RXRA: variants seen among roughly 807,000 people sequenced by gnomAD.
RXRA encodes the protein retinoid X receptor alpha.
RXRA carries 5 observed loss-of-function variants against 44.5 expected under a neutral mutation model. That is an observed-to-expected ratio of 0.11 (90% CI 0.06 to 0.24). The LOEUF (loss-of-function observed/expected upper bound fraction) is 0.24, where lower values mean the gene tolerates loss of function less well. RXRA is among the 10% of genes least tolerant of loss of function. The probability of loss-of-function intolerance (pLI) is 1.00; values close to 1 mark genes in which losing one functional copy is unlikely to be tolerated. For synonymous variants in RXRA, 291 were observed against 271.4 expected, an observed-to-expected ratio of 1.07 and a Z score of -0.71; for missense variants, 412 against 646.5, an observed-to-expected ratio of 0.64 and a Z score of 3.93.
rs551759697 is a variant in RXRA, at chr9:134,353,570, C to T, written c.28+26911C>T. On this transcript the variant is annotated intron_variant, in intron 1 of 9. Coordinates refer to ENST00000481739, the MANE Select transcript of RXRA (RefSeq NM_002957.6). ...TGCCCCAGCAGCTTCCACGGCCCCA[C>T]GAGTCCACGAGCCCCTGTACCTCCA... Among the ~76,000 whole-genome samples the T allele has an allele frequency of 3.8e-4, 58 of 152,358 alleles. 1 individual carries two copies. The highest frequency in any genetic ancestry group is 8.3e-4 in the South Asian group (4 of 4,828).
intron 6 of RXRA, chr9:134,423,479 T>A: frequency 1.0e-6 from 1 of 985,468 alleles, no homozygotes; most frequent in Non-Finnish European, 1.2e-6. Context: ...TTCTGGAAGT[T>A]GCTTGGGTCA....
At chr9:134,409,644 G>A (rs1015101879) in intron 4 of RXRA, among the ~76,000 whole-genome samples, 7 of 152,324 alleles carry the variant, frequency 4.6e-5, no homozygotes, top group Non-Finnish European at 8.8e-5. Context: ...GACCTGGGTC[G>A]GAGTCCCGGG....
At chr9:134,435,567 C>T (rs1054201330) in intron 9 of RXRA, among the ~76,000 whole-genome samples, 4 of 152,202 alleles carry the variant, frequency 2.6e-5, no homozygotes, top group African/African-American at 2.4e-5. Context: ...CAGCCCTGCA[C>T]AAGGTGCCGT....
At position 134,429,839 on chromosome 9, in the gene RXRA, C is replaced by T. The variant is rs550520302; in HGVS notation, c.1043+599C>T. ...GCCCTCCTGGAGTGCTGGCCAACTCCGCTCTGCCAGGCGAGGCGGACAGTA... is the reference window on the plus strand; with the variant it reads ...GCCCTCCTGGAGTGCTGGCCAACTCTGCTCTGCCAGGCGAGGCGGACAGTA... On this transcript the variant is annotated intron_variant, in intron 7 of 9. Transcript: ENST00000481739. Among the ~76,000 whole-genome samples, 23 of 152,202 alleles carry T rather than the reference C, an allele frequency of 1.5e-4. No homozygotes were observed. The East Asian group carries it at 2.5e-3, about 17-fold the overall frequency.
rs970469721 is a variant in RXRA, at chr9:134,407,875, TG to T, written c.280-266del. Among the ~76,000 whole-genome samples the T allele has an allele frequency of 2.0e-5, 3 of 151,038 alleles. No individual in the cohort carries two copies. The highest frequency in any genetic ancestry group is 6.6e-5 in the Admixed American group (1 of 15,176). On this transcript the variant is annotated intron_variant, in intron 2 of 9. Transcript: ENST00000481739. This position sits in a 1 kb window ranked among gnomAD's most constrained non-coding sequence, Gnocchi z 4.8. Reference sequence around the variant, plus strand: ...TTGCAAGCAGGGACCGCCCATGTGTTGGGGGGGGTGTTGAAGGTCCTTTTCC... The same window carrying T: ...TTGCAAGCAGGGACCGCCCATGTGTTGGGGGGGTGTTGAAGGTCCTTTTCC...
Position 134,326,639 on chromosome 9 carries a change from C to G in RXRA, c.8C>G (p.Thr3Ser), listed in dbSNP as rs1326895708. MDTKHFLPLDFST... is the reference protein window; with the variant it reads MDSKHFLPLDFST... ...CATGAGTTAGTCGCAGACATGGACA[C>G]CAAACATTTCCTGCCGCTCGGTGAG... Residue 3 changes from threonine (T) to serine (S), a missense_variant, in exon 1 of 10, where the codon ACC becomes AGC. This residue lies in a region of RXRA where 156 missense variants were observed against 177.2 expected (regional missense o/e 0.88). Transcript: ENST00000481739. The G allele has an allele frequency of 1.0e-5, 10 of 969,028 alleles. No homozygotes were observed. The highest frequency in any genetic ancestry group is 7.3e-5 in the African/African-American group (4 of 55,008). The allele number at this position is 969,028 out of a possible 1,614,324, so 60.0% of individuals were successfully genotyped here.
chr9:134,379,368 G>A, intron 1 of RXRA: 1 of 987,524 alleles, frequency 1.0e-6, no homozygotes, highest in Non-Finnish European at 1.2e-6. Context: ...AGGGGAGGCT[G>A]GCTGTCCTGT....
chr9:134,388,722 G>A (rs1162980265), intron 1 of RXRA, among the ~76,000 whole-genome samples: 3 of 152,174 alleles, frequency 2.0e-5, no homozygotes, highest in Non-Finnish European at 2.9e-5. Context: ...CCTTTCCCTG[G>A]TCTTCCTGCA....
At chr9:134,362,192 TGCGTGGCC>T (rs1830360581) in intron 1 of RXRA, among the ~76,000 whole-genome samples, 1 of 152,170 alleles carries the variant, frequency 6.6e-6, no homozygotes, top group Non-Finnish European at 1.5e-5. Flanking sequence ...CAGGGCCCAG[TGCGTGGCC>T]GCTGCTCATG....
intron 1 of RXRA, among the ~76,000 whole-genome samples, chr9:134,335,155 A>G (rs1173550124): frequency 6.6e-6 from 1 of 152,054 alleles, no homozygotes; most frequent in Non-Finnish European, 1.5e-5. Flanking sequence ...CTCCCACCTC[A>G]TTAGGCACCT....
chr9:134,383,981 T>G (rs1013398554), intron 1 of RXRA, among the ~76,000 whole-genome samples: 4 of 152,082 alleles, frequency 2.6e-5, no homozygotes, highest in Admixed American at 6.5e-5. Context: ...GTTGTTATTA[T>G]GAGACTAGCA....
At chr9:134,374,843 G>A (rs1334723862) in intron 1 of RXRA, among the ~76,000 whole-genome samples, 2 of 152,214 alleles carry the variant, frequency 1.3e-5, no homozygotes, top group African/African-American at 4.8e-5. Context: ...CTCGGCGCCT[G>A]CCTGGCTAGT....
At chr9:134,359,170 A>G (rs1269655316) in intron 1 of RXRA, among the ~76,000 whole-genome samples, 1 of 152,090 alleles carries the variant, frequency 6.6e-6, no homozygotes, top group Non-Finnish European at 1.5e-5. Context: ...CCCTGCTCAC[A>G]TCTGAGGGCA....
chr9:134,350,060 G>A (rs1282688178), intron 1 of RXRA, among the ~76,000 whole-genome samples: 2 of 151,874 alleles, frequency 1.3e-5, no homozygotes, highest in African/African-American at 4.8e-5. Context: ...CCCGCCAGAT[G>A]GCTGTGTGTG....
intron 1 of RXRA, chr9:134,379,729 G>T: frequency 1.0e-6 from 1 of 985,418 alleles, no homozygotes. Flanking sequence ...GGGCGGGTTC[G>T]TGGGTCCAGC....
At position 134,407,400 on chromosome 9, in the gene RXRA, TGGGTCCTCG is replaced by T. The variant is rs901104164; in HGVS notation, c.280-747_280-739del. ...GGCAGGCTGCAGCGGGAAGCGCCTG[TGGGTCCTCG>T]GCGCTGACTGCAGAGCTGGGTGGAG... On this transcript the variant is annotated intron_variant, in intron 2 of 9. Coordinates refer to ENST00000481739, the MANE Select transcript of RXRA (RefSeq NM_002957.6). This position sits in a 1 kb window ranked among gnomAD's most constrained non-coding sequence, Gnocchi z 4.8. 1.3e-5 allele frequency among the ~76,000 whole-genome samples: 2 copies of T among 152,186 alleles called. No individual in the cohort carries two copies. The highest frequency in any genetic ancestry group is 4.8e-5 in the African/African-American group (2 of 41,448).
intron 1 of RXRA, among the ~76,000 whole-genome samples, chr9:134,350,126 T>A (rs1830203770): frequency 6.6e-6 from 1 of 151,926 alleles, no homozygotes; most frequent in Non-Finnish European, 1.5e-5. Context: ...CCAGGAGATG[T>A]CATGCCGATC....
intron 1 of RXRA, among the ~76,000 whole-genome samples, chr9:134,344,527 G>C (rs1364571960): frequency 6.6e-6 from 1 of 152,176 alleles, no homozygotes; most frequent in Non-Finnish European, 1.5e-5. Flanking sequence ...TGGAGTCCTT[G>C]GTTCCTTTCT....
intron 4 of RXRA, among the ~76,000 whole-genome samples, chr9:134,412,694 C>T (rs1831168991): frequency 1.3e-5 from 2 of 152,076 alleles, no homozygotes; most frequent in Admixed American, 1.3e-4. Context: ...GGCCTGTTTG[C>T]TGAAGCCGGG....
Sources: gnomAD v4.1 joint callset for allele counts (sites outside exome capture counted in the v4.1 genomes callset) on GRCh38, gnomAD v4.1.1 for gene constraint, gnomAD v4.1.1 regional missense constraint, Gnocchi (gnomAD v3.1) non-coding constraint, MANE v1.5 for transcripts, NCBI Gene and HGNC (gene_info 2026-07-23, HGNC 2026-07-21) for gene names.